ETFA: variants seen among roughly 807,000 people sequenced by gnomAD.
ETFA encodes the protein electron transfer flavoprotein subunit alpha.
ETFA carries 22 observed loss-of-function variants against 46.2 expected under a neutral mutation model. The observed-to-expected ratio is 0.48, with a 90% confidence interval of 0.34 to 0.68. ETFA has a LOEUF of 0.68. Ranked by LOEUF, ETFA falls within the 30% of genes least tolerant of loss-of-function variation. The pLI, the probability that ETFA is intolerant of heterozygous loss-of-function variation, is 0.01. For missense variants in ETFA, 345 were observed against 401.1 expected, an observed-to-expected ratio of 0.86 and a Z score of 1.19; for synonymous variants, 131 against 139.9, an observed-to-expected ratio of 0.94 and a Z score of 0.45.
At chr15:76,267,875 G>A (rs984185951) in intron 9 of ETFA, among the ~76,000 whole-genome samples, 1 of 152,250 alleles carries the variant, frequency 6.6e-6, no homozygotes, top group South Asian at 2.1e-4. Flanking sequence ...ATATGGGGAA[G>A]ACGATTTGCT....
Position 76,287,871 on chromosome 15 carries a change from G to A in ETFA, c.426C>T (p.Asp142=), listed in dbSNP as rs540185839. The A allele has an allele frequency of 1.2e-6, 2 of 1,612,844 alleles. No homozygotes were observed. Among genetic ancestry groups the A allele is most frequent in the South Asian group, 1.1e-5 (1 of 91,066 alleles). ...CTGCATAAATAGTTCTCACAAATGT[G>A]TCAGGTGACTTGATTGCAATGATGT... The part of the protein sequence containing the change: ...ISDIIAIKSP[D]TFVRTIYAGN... Residue 142 remains aspartate (D), a synonymous_variant, in exon 5 of 12, where the codon GAC becomes GAT. Coordinates refer to ENST00000557943, the MANE Select transcript of ETFA (RefSeq NM_000126.4).
chr15:76,299,038 C>G (rs1311279863), intron 1 of ETFA, among the ~76,000 whole-genome samples: 1 of 152,138 alleles, frequency 6.6e-6, no homozygotes, highest in African/African-American at 2.4e-5. Flanking sequence ...GAAAAGGAGC[C>G]AAATTCTTAA....
chr15:76,294,907 CCT>C (rs1429749044), intron 2 of ETFA, among the ~76,000 whole-genome samples: 1 of 152,124 alleles, frequency 6.6e-6, no homozygotes, highest in Non-Finnish European at 1.5e-5. Context: ...CAGATTTATT[CCT>C]CTGTGAAGTT....
intron 1 of ETFA, among the ~76,000 whole-genome samples, chr15:76,306,111 G>C (rs1007438805): frequency 1.1e-4 from 16 of 151,424 alleles, no homozygotes; most frequent in African/African-American, 3.6e-4. Flanking sequence ...ACAGATGGTA[G>C]AAGAAGAAAA....
Position 76,277,018 on chromosome 15 carries a change from C to T in ETFA, c.734-2524G>A, listed in dbSNP as rs548365097. Among the ~76,000 whole-genome samples, 103 of 152,240 alleles carry T rather than the reference C, an allele frequency of 6.8e-4. 1 individual carries two copies. The highest frequency in any genetic ancestry group is 3.3e-3 in the Admixed American group (50 of 15,290). On this transcript the variant is annotated intron_variant, in intron 8 of 11. Transcript: ENST00000557943. Reference sequence around the variant, plus strand: ...TCTTGATAGCCCAACATGATGTACACGGGTAAAAGGAAGTGCTGTCAATAA... The same window carrying T: ...TCTTGATAGCCCAACATGATGTACATGGGTAAAAGGAAGTGCTGTCAATAA...
chr15:76,310,096 A>AAAAAAAAAAAC, intron 1 of ETFA: 1 of 150,250 alleles, frequency 6.7e-6, no homozygotes, highest in Non-Finnish European at 1.4e-5. Flanking sequence ...AAAAAAAAAA[A>AAAAAAAAAAAC]TTAGCCAGGC....
Position 76,216,422 on chromosome 15 carries a change from C to A in ETFA, c.*137G>T, listed in dbSNP as rs2038896481. The A allele has an allele frequency of 1.4e-5, 9 of 627,598 alleles. No individual in the cohort carries two copies. The East Asian group carries it at 2.5e-4, about 17-fold the overall frequency. 38.9% of individuals were successfully genotyped at this position (627,598 alleles called of 1,614,324 possible). ...GCAATCCCATAAACAAGCATTCTGG[C>A]ATCTGTTAGAAATTTTCCCTCAAAT... is the stretch of plus-strand genomic sequence containing the variant. On this transcript the variant is annotated 3_prime_UTR_variant, in exon 12 of 12. Transcript: ENST00000557943.
chr15:76,227,360 C>G (rs2039014368), intron 10 of ETFA, among the ~76,000 whole-genome samples: 1 of 151,666 alleles, frequency 6.6e-6, no homozygotes, highest in African/African-American at 2.4e-5. Context: ...CTACTAAACA[C>G]ACAAAAATTA....
intron 9 of ETFA, among the ~76,000 whole-genome samples, chr15:76,240,871 G>C (rs961808586): frequency 1.3e-5 from 2 of 151,704 alleles, no homozygotes; most frequent in African/African-American, 4.8e-5. Context: ...ATGGTCTCAT[G>C]TTGCCATACT....
intron 10 of ETFA, 161 bp from the exon 11 acceptor site, chr15:76,226,090 G>GT: frequency 1.7e-6 from 1 of 600,496 alleles, no homozygotes; most frequent in East Asian, 2.8e-5. Context: ...AAATTTCCAG[G>GT]TTGGAATGTA....
chr15:76,274,360 C>T lies in ETFA; in HGVS notation c.816+52G>A, dbSNP rs374828670. On this transcript the variant is annotated intron_variant, in intron 9 of 11. Transcript: ENST00000557943. ...GAGATCACTGTTCAACAAATACATA[C>T]AGTACTTATCCCCATAACATTTTAC... 43 of 1,325,904 alleles carry T rather than the reference C, an allele frequency of 3.2e-5. No individual in the cohort carries two copies. The African/African-American group carries it at 4.9e-4, about 15-fold the overall frequency. 82.1% of individuals were successfully genotyped at this position (1,325,904 alleles called of 1,614,324 possible).
intron 9 of ETFA, among the ~76,000 whole-genome samples, chr15:76,271,892 T>C (rs546521146): frequency 1.4e-5 from 2 of 144,420 alleles, no homozygotes; most frequent in Admixed American, 6.9e-5. Context: ...TATGCACATA[T>C]ATGCGTATAT....
At chr15:76,241,008 G>T (rs1266371982) in intron 9 of ETFA, among the ~76,000 whole-genome samples, 1 of 151,698 alleles carries the variant, frequency 6.6e-6, no homozygotes, top group Non-Finnish European at 1.5e-5. Context: ...TTCTATACCA[G>T]TTCAGAGATT....
intron 9 of ETFA, among the ~76,000 whole-genome samples, chr15:76,249,279 C>T (rs2039273035): frequency 6.6e-6 from 1 of 151,826 alleles, no homozygotes; most frequent in Non-Finnish European, 1.5e-5. Flanking sequence ...CAGGCATGTG[C>T]CGCCACGCCT....
At chr15:76,228,497 TA>T (rs2039028536) in intron 10 of ETFA, among the ~76,000 whole-genome samples, 1 of 152,066 alleles carries the variant, frequency 6.6e-6, no homozygotes, top group Non-Finnish European at 1.5e-5. Context: ...ATGCCTGCCT[TA>T]AAAGTTATTT....
intron 2 of ETFA, among the ~76,000 whole-genome samples, chr15:76,293,098 C>T (rs2039784153): frequency 6.6e-6 from 1 of 152,236 alleles, no homozygotes; most frequent in South Asian, 2.1e-4. Context: ...GATCACACCA[C>T]TTCACTCCAG....
At chr15:76,261,118 T>G in intron 9 of ETFA, 1 of 1,510,290 alleles carries the variant, frequency 6.6e-7, no homozygotes, top group Non-Finnish European at 9.2e-7. Flanking sequence ...ATGGGTGCTC[T>G]GGGTCACCCC....
Position 76,292,693 on chromosome 15 carries a change from T to C in ETFA, c.194A>G (p.Gln65Arg). ...VAGTKCDKVA[Q>R]DLCKVAGIAK... The stretch of plus-strand genomic sequence containing the variant: ...TATGCCTGCTACTTTACAGAGATCT[T>C]GTGCCACCTATGATTAAAAGATAAG... Residue 65 changes from glutamine to arginine, a missense_variant, in exon 3 of 12, where the codon CAA becomes CGA. Transcript: ENST00000557943. The C allele has an allele frequency of 6.2e-7, 1 of 1,609,758 alleles. No homozygotes were observed. Among genetic ancestry groups the C allele is most frequent in the Non-Finnish European group, 8.5e-7 (1 of 1,175,980 alleles).
rs186473462 is a variant in ETFA at position 76,290,637 on chromosome 15, C to T, written c.351+1794G>A. Among the ~76,000 whole-genome samples the T allele has an allele frequency of 5.3e-4, 80 of 152,200 alleles. 1 individual carries two copies. Among genetic ancestry groups the T allele is most frequent in the African/African-American group, 1.8e-3 (76 of 41,522 alleles). On this transcript the variant is annotated intron_variant, in intron 4 of 11. Transcript: ENST00000557943. ...ACAGGCGTCAGCCACCGCACCCTGC[C>T]CAAGTCATACTCTTAAGTAAAAGCT...
Sources: allele counts gnomAD v4.1 joint callset (sites outside exome capture counted in the v4.1 genomes callset), GRCh38; gene constraint gnomAD v4.1.1; transcripts MANE v1.5; gene names NCBI Gene and HGNC (gene_info 2026-07-23, HGNC 2026-07-21).